The following PREX2 variants were observed in gnomAD, a reference collection of about 807,000 sequenced individuals.
PREX2 encodes the protein phosphatidylinositol 3,4,5-trisphosphate-dependent Rac exchanger 2 protein.
PREX2 carries 107 observed loss-of-function variants against 203.2 expected under a neutral mutation model. That is an observed-to-expected ratio of 0.53 (90% CI 0.45 to 0.62). The LOEUF (loss-of-function observed/expected upper bound fraction) is 0.62. Among genes scored for constraint, PREX2 ranks in the 20% least tolerant of loss-of-function variants. The pLI is 0.00. For missense variants in PREX2, 1,777 were observed against 1,955.9 expected (o/e 0.91, Z 1.72); for synonymous variants, 672 against 663.6 (o/e 1.01, Z -0.19).
chr8:68,081,611 A>G (rs1202354395), intron 17 of PREX2, among the ~76,000 whole-genome samples: 1 of 152,192 alleles, frequency 6.6e-6, no homozygotes, highest in African/African-American at 2.4e-5. Flanking sequence ...CACCGTTGAT[A>G]GTGTTTTATA....
At chr8:68,117,141 AAC>A (rs1236416330) in intron 26 of PREX2, among the ~76,000 whole-genome samples, 3 of 152,238 alleles carry the variant, frequency 2.0e-5, no homozygotes, top group African/African-American at 7.2e-5. Flanking sequence ...ACTAGCTACA[AAC>A]TAGGAGCTAA....
chr8:68,113,399 G>GC (rs1563551753), intron 25 of PREX2, among the ~76,000 whole-genome samples: 1 of 152,164 alleles, frequency 6.6e-6, no homozygotes, highest in Admixed American at 6.5e-5. Context: ...GGTATTCAGA[G>GC]TTCATCTGTC....
Position 68,105,023 on chromosome 8 carries a change from C to T in PREX2, c.2716-3086C>T, listed in dbSNP as rs953892625. 153 of 739,274 alleles carry T rather than the reference C, an allele frequency of 2.1e-4. 1 individual carries two copies. In the African/African-American group the frequency reaches 2.7e-3, roughly 13 times the overall value. 45.8% of individuals were successfully genotyped at this position (739,274 alleles called of 1,614,324 possible). A position where few individuals can be genotyped will look rare whatever the true frequency, so the allele number is the denominator to read the frequency against. ...AGCAGATTAATGAGTTCAGTGTTTC[C>T]TTTGATGTTGCTAAAAAGATAGGCA... is the stretch of plus-strand genomic sequence containing the variant. On this transcript the variant is annotated intron_variant, in intron 23 of 39. Transcript: ENST00000288368.
At chr8:68,054,176 A>G (rs1808605975) in intron 9 of PREX2, among the ~76,000 whole-genome samples, 1 of 152,208 alleles carries the variant, frequency 6.6e-6, no homozygotes, top group African/African-American at 2.4e-5. Flanking sequence ...AATTTCCAAA[A>G]CATTTTCAAA....
At chr8:68,105,236 T>C in intron 23 of PREX2, 1 of 1,367,820 alleles carries the variant, frequency 7.3e-7, no homozygotes, top group Non-Finnish European at 9.8e-7. Flanking sequence ...TTCCAGTACC[T>C]GTGACTATGG....
chr8:68,039,370 C>T (rs533045624), intron 7 of PREX2, among the ~76,000 whole-genome samples: 69 of 152,224 alleles, frequency 4.5e-4, no homozygotes, highest in African/African-American at 1.5e-3. Context: ...GCAATCCTAC[C>T]TTCCCAAAAC....
intron 1 of PREX2, among the ~76,000 whole-genome samples, chr8:67,992,458 A>T (rs1306730098): frequency 6.6e-6 from 1 of 152,214 alleles, no homozygotes; most frequent in Non-Finnish European, 1.5e-5. Flanking sequence ...AGAACCATTT[A>T]AGAACTTAGA....
At chr8:68,216,581 G>A (rs189607369) in intron 37 of PREX2, among the ~76,000 whole-genome samples, 37 of 152,152 alleles carry the variant, frequency 2.4e-4, no homozygotes, top group African/African-American at 8.0e-4. Context: ...GAACAATTCA[G>A]AGACCAGCAC....
At chr8:68,014,466 G>C (rs1471646387) in intron 1 of PREX2, among the ~76,000 whole-genome samples, 1 of 152,114 alleles carries the variant, frequency 6.6e-6, no homozygotes, top group African/African-American at 2.4e-5. Context: ...CGGCATATGT[G>C]AGAGCCTCAC....
At chr8:68,050,268 G>A (rs922416442) in intron 8 of PREX2, among the ~76,000 whole-genome samples, 4 of 152,060 alleles carry the variant, frequency 2.6e-5, no homozygotes, top group Non-Finnish European at 4.4e-5. Flanking sequence ...ATCACTACCC[G>A]AGACTGGGTA....
In PREX2 at chr8:68,166,191, A is replaced by G. The variant is rs140149526; in HGVS notation, c.4346+8755A>G. On this transcript the variant is annotated intron_variant, in intron 35 of 39. Coordinates refer to ENST00000288368, the MANE Select transcript of PREX2 (RefSeq NM_024870.4). ...AGAGGGTTTGAAAAACAGCCCAAAT[A>G]AAGTATAGACCTTTGACCAAAGACT... Among the ~76,000 whole-genome samples, 397 of 152,302 alleles carry G rather than the reference A, an allele frequency of 2.6e-3. 4 individuals carry two copies. The highest frequency in any genetic ancestry group is 9.1e-3 in the African/African-American group (380 of 41,560).
intron 37 of PREX2, among the ~76,000 whole-genome samples, chr8:68,198,374 C>T (rs1812440365): frequency 1.3e-5 from 2 of 152,080 alleles, no homozygotes; most frequent in South Asian, 4.1e-4. Flanking sequence ...CAAATTGAAT[C>T]TTTTTAAGAT....
chr8:68,069,519 A>G, intron 12 of PREX2, among the ~76,000 whole-genome samples: 1 of 139,334 alleles, frequency 7.2e-6, no homozygotes, highest in Non-Finnish European at 1.6e-5. Context: ...AGTATTATAG[A>G]TGTATTACTG....
chr8:68,047,152 GCACCCAGAAATGATC>G (rs1808376416), intron 8 of PREX2, among the ~76,000 whole-genome samples: 1 of 151,958 alleles, frequency 6.6e-6, no homozygotes. Context: ...GGGTTTGGTT[GCACCCAGAAATGATC>G]TGGGTGCTGC....
At chr8:67,975,270 CTGTTTTT>C (rs1223017667) in intron 1 of PREX2, among the ~76,000 whole-genome samples, 1 of 116,260 alleles carries the variant, frequency 8.6e-6, no homozygotes, top group Non-Finnish European at 1.7e-5. Flanking sequence ...TGCACACGGC[CTGTTTTT>C]TTTTTTTTTT....
chr8:68,059,290 G>A (rs1808773292), intron 10 of PREX2, among the ~76,000 whole-genome samples: 2 of 97,760 alleles, frequency 2.0e-5, no homozygotes, highest in South Asian at 2.9e-4. Flanking sequence ...GATACCACGT[G>A]ACCTTTTTTT....
intron 17 of PREX2, chr8:68,082,743 A>G (rs1238189990): frequency 1.3e-5 from 2 of 154,244 alleles, no homozygotes; most frequent in Non-Finnish European, 2.9e-5. Context: ...TGACAACTCT[A>G]TGCTGGTTGG....
Position 68,146,253 on chromosome 8 carries a change from A to G in PREX2, c.4132A>G (p.Lys1378Glu). Residue 1378 changes from lysine (K) to glutamate (E), a missense_variant, in exon 34 of 40, where the codon AAA becomes GAA. By Grantham distance (56) the Lys-to-Glu change is moderately conservative (BLOSUM62 1). Transcript: ENST00000288368. The stretch of plus-strand genomic sequence containing the variant: ...AGCAGAAGGAAGTCGGCAAGCTCTG[A>G]AAGTTTACTTCTACATTGATAGTTA... ...YQAEGSRQAL[K>E]VYFYIDSYHF... 1.2e-6 allele frequency: 2 copies of G among 1,612,100 alleles called. No individual in the cohort carries two copies. Among genetic ancestry groups the G allele is most frequent in the Middle Eastern group, 1.7e-4 (1 of 6,016 alleles).
rs902266828 is a variant in PREX2, at chr8:68,235,910, C to A, written c.*4532C>A. ...TTATGTAGACACAAGGCCTGCTTCA[C>A]TCAGGATAGCTTGCTCCTCTCGCTG... is the stretch of plus-strand genomic sequence containing the variant. On this transcript the variant is annotated 3_prime_UTR_variant, in exon 40 of 40. Coordinates refer to ENST00000288368, the MANE Select transcript of PREX2 (RefSeq NM_024870.4). The A allele has an allele frequency of 2.0e-5, 3 of 152,156 alleles. No individual in the cohort carries two copies. The highest frequency in any genetic ancestry group is 7.2e-5 in the African/African-American group (3 of 41,438). 9.4% of individuals were successfully genotyped at this position (152,156 alleles called of 1,614,324 possible). A position where few individuals can be genotyped will look rare whatever the true frequency, so the allele number is the denominator to read the frequency against.
Sources: allele counts gnomAD v4.1 joint callset (sites outside exome capture counted in the v4.1 genomes callset), GRCh38; gene constraint gnomAD v4.1.1; transcripts MANE v1.5; gene names NCBI Gene and HGNC (gene_info 2026-07-23, HGNC 2026-07-21).